ABCA12: variants seen among roughly 807,000 people sequenced by gnomAD.
ABCA12 encodes glucosylceramide transporter ABCA12.
Under a neutral mutation model 293.5 loss-of-function variants are expected in ABCA12, and 156 were observed. That is an observed-to-expected ratio of 0.53 (90% CI 0.47 to 0.61). The LOEUF is 0.61. ABCA12 is among the 20% of genes least tolerant of loss of function. The pLI, the probability that ABCA12 is intolerant of heterozygous loss-of-function variation, is 0.00. For missense variants in ABCA12, 2,797 were observed against 3,090.2 expected (o/e 0.91, Z 2.25); for synonymous variants, 1,063 against 1,108.0 (o/e 0.96, Z 0.81).
At chr2:215,090,098 C>T (rs913209346) in intron 2 of ABCA12, among the ~76,000 whole-genome samples, 2 of 152,176 alleles carry the variant, frequency 1.3e-5, no homozygotes, top group African/African-American at 4.8e-5. Flanking sequence ...ACTGAGCTTC[C>T]TTGTGACCCC....
intron 8 of ABCA12, among the ~76,000 whole-genome samples, chr2:215,036,031 TA>T (rs1700982655): frequency 1.3e-5 from 2 of 152,168 alleles, no homozygotes; most frequent in South Asian, 4.1e-4. Flanking sequence ...TTTTCTAGCC[TA>T]AACTTTTTTT....
intron 2 of ABCA12, among the ~76,000 whole-genome samples, chr2:215,087,795 G>T (rs1702071486): frequency 6.6e-6 from 1 of 152,092 alleles, no homozygotes; most frequent in Admixed American, 6.6e-5. Context: ...ATATTCAAAG[G>T]TATAAATGTA....
In ABCA12 at chr2:214,968,759, A is replaced by G. The variant is rs749487263; in HGVS notation, c.5739T>C (p.Phe1913=). ...FGLPLTKDLR[F]DITGVPANRT... ...TATTGGCAGGGACTCCTGTTATATC[A>G]AAACGAAGGTCTTTTGTCAAAGGCA... The change falls in exon 38 of 53, where the codon TTT becomes TTC. Residue 1913 remains phenylalanine, a synonymous_variant. Coordinates refer to ENST00000272895, the MANE Select transcript of ABCA12 (RefSeq NM_173076.3). 20 of 1,613,282 alleles carry G rather than the reference A, an allele frequency of 1.2e-5. No homozygotes were observed. In the Middle Eastern group the frequency reaches 6.6e-4, roughly 53 times the overall value.
At chr2:215,083,277 G>A (rs1413168300) in intron 2 of ABCA12, among the ~76,000 whole-genome samples, 1 of 152,326 alleles carries the variant, frequency 6.6e-6, no homozygotes, top group African/African-American at 2.4e-5. Context: ...GAAGAGAACA[G>A]GTGTTTGTGG....
intron 35 of ABCA12, among the ~76,000 whole-genome samples, chr2:214,974,282 A>C (rs767481409): frequency 1.3e-5 from 2 of 152,134 alleles, no homozygotes; most frequent in Admixed American, 6.5e-5. Flanking sequence ...TGCTTATTGA[A>C]TTGTCTTACT....
chr2:215,010,616 G>T, intron 17 of ABCA12, 146 bp from the exon 18 acceptor site: 2 of 942,008 alleles, frequency 2.1e-6, no homozygotes, highest in Non-Finnish European at 1.6e-6. Flanking sequence ...GAGGCATCTG[G>T]TGTCAAAGTA....
intron 2 of ABCA12, among the ~76,000 whole-genome samples, chr2:215,070,425 A>G (rs918924662): frequency 6.6e-5 from 10 of 151,770 alleles, no homozygotes; most frequent in African/African-American, 2.4e-4. Context: ...TTTAGGGTAC[A>G]TGTGCACAGT....
At chr2:214,963,923 C>CAAAAAAA (rs71041974) in intron 39 of ABCA12, among the ~76,000 whole-genome samples, 2 of 59,888 alleles carry the variant, frequency 3.3e-5, no homozygotes, top group Non-Finnish European at 5.9e-5. Context: ...GACTCTGCCT[C>CAAAAAAA]AAAAAAAAAA....
At chr2:215,033,009 A>C (rs1404678771) in intron 8 of ABCA12, among the ~76,000 whole-genome samples, 1 of 152,186 alleles carries the variant, frequency 6.6e-6, no homozygotes, top group East Asian at 1.9e-4. Context: ...CTTGTCTGTC[A>C]CCTGTATCAG....
intron 2 of ABCA12, chr2:215,075,379 G>C: frequency 3.8e-6 from 2 of 531,092 alleles, no homozygotes. Flanking sequence ...CTAGTAACCT[G>C]AGCTAACTTA....
chr2:214,971,802 G>A lies in ABCA12; in HGVS notation c.5563-1402C>T, dbSNP rs145702309. On this transcript the variant is annotated intron_variant, in intron 36 of 52. Transcript: ENST00000272895. ...GTGGAATTGCAGGTCCCACAGATAT[G>A]CAAATTTTTACCATTGGGATATATT... Among the ~76,000 whole-genome samples, 1,265 of 152,258 alleles carry A rather than the reference G, an allele frequency of 8.3e-3. 20 individuals carry two copies. Among genetic ancestry groups the A allele is most frequent in the African/African-American group, 0.028 (1,155 of 41,544 alleles).
intron 44 of ABCA12, among the ~76,000 whole-genome samples, chr2:214,952,875 A>G (rs950873193): frequency 1.3e-5 from 2 of 152,178 alleles, no homozygotes; most frequent in African/African-American, 4.8e-5. Context: ...TGCTCTTAAT[A>G]TATTTCTCTA....
intron 7 of ABCA12, among the ~76,000 whole-genome samples, chr2:215,043,429 A>G (rs886627155): frequency 6.6e-6 from 1 of 151,572 alleles, no homozygotes; most frequent in Admixed American, 6.5e-5. Context: ...AAGGGAATTA[A>G]AATAGCTGCA....
intron 44 of ABCA12, among the ~76,000 whole-genome samples, chr2:214,951,300 C>T (rs1380555447): frequency 6.6e-6 from 1 of 152,076 alleles, no homozygotes; most frequent in Non-Finnish European, 1.5e-5. Context: ...GTTCTCCATG[C>T]CTTAAATGTT....
rs962727262 is a variant in ABCA12, at chr2:214,948,444, A to G, written c.7104+152T>C. The stretch of plus-strand genomic sequence containing the variant: ...ACCAAACTAAGAGGGACTCACTGCC[A>G]TTGCCACTGCCAGAAGGAAAATGAC... On this transcript the variant is annotated intron_variant, in intron 47 of 52. Transcript: ENST00000272895. The G allele has an allele frequency of 3.5e-5, 27 of 776,144 alleles. No individual in the cohort carries two copies. The African/African-American group carries it at 4.2e-4, about 12-fold the overall frequency. The allele number at this position is 776,144 out of a possible 1,614,324, so 48.1% of individuals were successfully genotyped here.
chr2:215,026,789 G>A (rs1298605610), intron 10 of ABCA12, 31 bp downstream of exon 10: 1 of 1,514,036 alleles, frequency 6.6e-7, no homozygotes, highest in East Asian at 2.3e-5. Context: ...GAAACCATGA[G>A]CAGCATTTTG....
At chr2:215,049,258 C>A (rs1701268770) in intron 6 of ABCA12, among the ~76,000 whole-genome samples, 1 of 152,170 alleles carries the variant, frequency 6.6e-6, no homozygotes. Flanking sequence ...ATTCTAAATT[C>A]TGGCAGTTAT....
chr2:214,986,201 T>G (rs1699782120), intron 28 of ABCA12, among the ~76,000 whole-genome samples: 1 of 152,138 alleles, frequency 6.6e-6, no homozygotes, highest in African/African-American at 2.4e-5. Context: ...AAACAGATAC[T>G]CCCTTTAAGA....
intron 43 of ABCA12, 95 bp downstream of exon 43, chr2:214,955,107 A>G: frequency 2.7e-6 from 4 of 1,461,278 alleles, no homozygotes; most frequent in Non-Finnish European, 3.8e-6. Flanking sequence ...AATAGAATCA[A>G]ATGATATTCT....
Sources: allele counts gnomAD v4.1 joint callset (sites outside exome capture counted in the v4.1 genomes callset), GRCh38; gene constraint gnomAD v4.1.1; transcripts MANE v1.5; gene names NCBI Gene and HGNC (gene_info 2026-07-23, HGNC 2026-07-21).